The following BICD1 variants were observed in gnomAD, a reference collection of about 807,000 sequenced individuals.
BICD1 encodes the protein protein bicaudal D homolog 1.
Under a neutral mutation model 92.5 loss-of-function variants are expected in BICD1, and 35 were observed. The observed-to-expected ratio is 0.38, with a 90% CI of 0.29 to 0.50. The LOEUF (loss-of-function observed/expected upper bound fraction) is 0.50, where lower values mean the gene tolerates loss of function less well. Among genes scored for constraint, BICD1 ranks in the 20% least tolerant of loss-of-function variants. The pLI is 0.93. For synonymous variants in BICD1, 429 were observed against 465.1 expected (o/e 0.92, Z 1.00); for missense variants, 950 against 1,189.8 (o/e 0.80, Z 2.97).
chr12:32,290,848 C>T (rs1947706981), intron 2 of BICD1, among the ~76,000 whole-genome samples: 1 of 152,148 alleles, frequency 6.6e-6, no homozygotes, highest in African/African-American at 2.4e-5. Flanking sequence ...GAGTTGAGCC[C>T]CTTCTTTTCC....
chr12:32,132,228 C>T lies in BICD1; in HGVS notation c.213+24684C>T, dbSNP rs1246445438. On this transcript the variant is annotated intron_variant, in intron 1 of 9. Transcript: ENST00000652176. Reference sequence around the variant, plus strand: ...GTCAGGAGTTCGAGACCAGCTTGACCAATATGGTGAAAACCTGTCTCTACT... The same window carrying T: ...GTCAGGAGTTCGAGACCAGCTTGACTAATATGGTGAAAACCTGTCTCTACT... 2.6e-5 allele frequency among the ~76,000 whole-genome samples: 4 copies of T among 151,878 alleles called. No homozygotes were observed. The East Asian group carries it at 5.8e-4, about 22-fold the overall frequency.
intron 2 of BICD1, among the ~76,000 whole-genome samples, chr12:32,242,839 G>A (rs1946273060): frequency 6.6e-6 from 1 of 152,022 alleles, no homozygotes; most frequent in East Asian, 1.9e-4. Context: ...TTTCTTATTT[G>A]CCAGGGTTTA....
intron 2 of BICD1, among the ~76,000 whole-genome samples, chr12:32,242,342 A>G (rs1309946365): frequency 6.6e-6 from 1 of 151,690 alleles, no homozygotes; most frequent in African/African-American, 2.4e-5. Context: ...CCTGGTCAAC[A>G]TTGTGAAACC....
intron 1 of BICD1, among the ~76,000 whole-genome samples, chr12:32,200,928 T>G (rs549698465): frequency 6.6e-6 from 1 of 152,190 alleles, no homozygotes; most frequent in Non-Finnish European, 1.5e-5. Flanking sequence ...AAGAAACATT[T>G]TTCTTTGCTT....
chr12:32,364,880 G>A lies in BICD1; in HGVS notation c.2765-2790G>A, dbSNP rs146324427. ...GCAGGAGGATCACTTGAGCCCAGGC[G>A]TTGGATGCTGAAGTGAGCTATGATA... On this transcript the variant is annotated intron_variant, in intron 8 of 9. Coordinates refer to ENST00000652176, the MANE Select transcript of BICD1 (RefSeq NM_001714.4). Among the ~76,000 whole-genome samples, 527 of 152,254 alleles carry A rather than the reference G, an allele frequency of 3.5e-3. 4 individuals are homozygous for A. Among genetic ancestry groups the A allele is most frequent in the Non-Finnish European group, 5.9e-3 (398 of 68,016 alleles).
intron 2 of BICD1, among the ~76,000 whole-genome samples, chr12:32,233,339 AAG>A (rs1491318921): frequency 2.7e-4 from 37 of 137,848 alleles, no homozygotes; most frequent in East Asian, 6.0e-4. Context: ...AAAAAAAAAA[AAG>A]TAGGCTTACA....
intron 2 of BICD1, among the ~76,000 whole-genome samples, chr12:32,217,290 G>A (rs16919488): frequency 0.12 from 17,852 of 152,214 alleles, 1,346 homozygotes; most frequent in African/African-American, 0.21. Context: ...CCACAACCAA[G>A]TGGGCTCACT....
chr12:32,284,191 C>T (rs145557174), intron 2 of BICD1, among the ~76,000 whole-genome samples: 104 of 152,270 alleles, frequency 6.8e-4, no homozygotes, highest in African/African-American at 2.4e-3. Flanking sequence ...GCCAGAACTC[C>T]CTGCCAGTGG....
intron 1 of BICD1, among the ~76,000 whole-genome samples, chr12:32,195,121 A>G (rs961544242): frequency 2.6e-5 from 4 of 151,814 alleles, no homozygotes; most frequent in Non-Finnish European, 4.4e-5. Context: ...TGAAGACAGA[A>G]ATAAATGGAA....
At position 32,214,633 on chromosome 12, in the gene BICD1, A is replaced by T. The variant is rs552901803; in HGVS notation, c.214-1614A>T. Among the ~76,000 whole-genome samples the T allele has an allele frequency of 1.8e-4, 27 of 152,284 alleles. No homozygotes were observed. In the South Asian group the frequency reaches 3.1e-3, roughly 18 times the overall value. Reference sequence around the variant, plus strand: ...AGTATATATGTAAAGAAGTTTCAGAACTGTGATTTCCATAATCTCTATGAG... The same window carrying T: ...AGTATATATGTAAAGAAGTTTCAGATCTGTGATTTCCATAATCTCTATGAG... On this transcript the variant is annotated intron_variant, in intron 1 of 9. Coordinates refer to ENST00000652176, the MANE Select transcript of BICD1 (RefSeq NM_001714.4).
chr12:32,150,666 T>G (rs2121428600), intron 1 of BICD1, among the ~76,000 whole-genome samples: 1 of 152,256 alleles, frequency 6.6e-6, no homozygotes, highest in East Asian at 1.9e-4. Flanking sequence ...GGCACAAGTT[T>G]GGGGAGTAGG....
chr12:32,285,022 A>G (rs1188093972), intron 2 of BICD1, among the ~76,000 whole-genome samples: 1 of 152,186 alleles, frequency 6.6e-6, no homozygotes, highest in Non-Finnish European at 1.5e-5. Context: ...CTGGGGCTGT[A>G]AGGAAATGCT....
intron 2 of BICD1, among the ~76,000 whole-genome samples, chr12:32,219,198 G>C (rs944661363): frequency 6.6e-6 from 1 of 152,098 alleles, no homozygotes; most frequent in African/African-American, 2.4e-5. Context: ...TAATTAATGG[G>C]ATAATTTTTC....
chr12:32,281,955 G>T (rs1947420953), intron 2 of BICD1, among the ~76,000 whole-genome samples: 1 of 152,104 alleles, frequency 6.6e-6, no homozygotes, highest in Admixed American at 6.5e-5. Flanking sequence ...TCTAGTGGGG[G>T]AAAGATAGCC....
intron 2 of BICD1, among the ~76,000 whole-genome samples, chr12:32,290,729 G>C (rs971273460): frequency 6.6e-6 from 1 of 152,176 alleles, no homozygotes. Flanking sequence ...TGTTAGGCCA[G>C]CTTAGCAAGA....
chr12:32,254,838 T>C (rs1260021701), intron 2 of BICD1, among the ~76,000 whole-genome samples: 2 of 152,210 alleles, frequency 1.3e-5, no homozygotes, highest in Non-Finnish European at 2.9e-5. Context: ...TCTCCTTGTT[T>C]AATTAGTCTG....
At chr12:32,124,630 C>A (rs1455810602) in intron 1 of BICD1, among the ~76,000 whole-genome samples, 1 of 152,118 alleles carries the variant, frequency 6.6e-6, no homozygotes, top group African/African-American at 2.4e-5. Flanking sequence ...GCAAACTCAG[C>A]TTGAATCAGA....
At chr12:32,113,188 G>A (rs1049709695) in intron 1 of BICD1, among the ~76,000 whole-genome samples, 1 of 152,156 alleles carries the variant, frequency 6.6e-6, no homozygotes, top group African/African-American at 2.4e-5. Context: ...AGTAGGGATC[G>A]TGAGGAGGGG....
intron 1 of BICD1, among the ~76,000 whole-genome samples, chr12:32,187,734 AAAG>A (rs1322475429): frequency 6.6e-6 from 1 of 152,214 alleles, no homozygotes. Context: ...GGGGACTCCA[AAAG>A]AAGGACAAAG....
Sources: allele counts gnomAD v4.1 joint callset (sites outside exome capture counted in the v4.1 genomes callset), GRCh38; gene constraint gnomAD v4.1.1; transcripts MANE v1.5; gene names NCBI Gene and HGNC (gene_info 2026-07-23, HGNC 2026-07-21).